HHAT: variants seen among roughly 807,000 people sequenced by gnomAD.
HHAT encodes the protein hedgehog acyltransferase.
In HHAT, 47 loss-of-function variants were observed where a neutral mutation model predicts 70.8. The observed-to-expected ratio is 0.66, with a 90% CI of 0.53 to 0.85. The LOEUF is 0.85. Among genes scored for constraint, HHAT ranks in the 40% least tolerant of loss-of-function variants. The pLI, the probability that HHAT is intolerant of heterozygous loss-of-function variation, is 0.00. For missense variants in HHAT, 609 were observed against 604.8 expected (o/e 1.01, Z -0.07); for synonymous variants, 228 against 247.6 (o/e 0.92, Z 0.74).
chr1:210,454,414 C>T (rs1159032663), intron 7 of HHAT, among the ~76,000 whole-genome samples: 1 of 152,024 alleles, frequency 6.6e-6, no homozygotes, highest in Admixed American at 6.6e-5. Context: ...ATTAGCCGGG[C>T]GTGGTGGCGG....
chr1:210,652,663 T>C (rs948613921), intron 11 of HHAT, among the ~76,000 whole-genome samples: 2 of 152,096 alleles, frequency 1.3e-5, no homozygotes, highest in African/African-American at 4.8e-5. Flanking sequence ...ACTGCCTCAC[T>C]CGTGTAGATC....
chr1:210,359,026 T>C (rs966677498), intron 2 of HHAT, among the ~76,000 whole-genome samples: 2 of 152,126 alleles, frequency 1.3e-5, no homozygotes, highest in Non-Finnish European at 2.9e-5. Context: ...TCAGCAGAAA[T>C]TGCTTCATTT....
chr1:210,608,484 A>G (rs1416215575), intron 10 of HHAT, among the ~76,000 whole-genome samples: 1 of 152,144 alleles, frequency 6.6e-6, no homozygotes, highest in Non-Finnish European at 1.5e-5. Flanking sequence ...GATTTCTGCT[A>G]GGGAAAGCCC....
intron 9 of HHAT, among the ~76,000 whole-genome samples, chr1:210,520,746 T>A (rs1195680521): frequency 6.6e-6 from 1 of 152,238 alleles, no homozygotes; most frequent in African/African-American, 2.4e-5. Context: ...CACCTGAATT[T>A]TGTTTTCTAT....
chr1:210,584,426 C>T (rs4072392), intron 9 of HHAT, among the ~76,000 whole-genome samples: 106,621 of 151,984 alleles, frequency 0.7, 37,876 homozygotes, highest in East Asian at 0.95. Context: ...ACACTGGTTA[C>T]GTAAAGTTAA....
At chr1:210,577,567 T>G (rs942354675) in intron 9 of HHAT, among the ~76,000 whole-genome samples, 1 of 151,940 alleles carries the variant, frequency 6.6e-6, no homozygotes, top group Non-Finnish European at 1.5e-5. Context: ...AACGTACTGT[T>G]GAATTTGGTT....
At chr1:210,420,113 A>G (rs2148281085) in intron 7 of HHAT, among the ~76,000 whole-genome samples, 1 of 152,268 alleles carries the variant, frequency 6.6e-6, no homozygotes, top group South Asian at 2.1e-4. Flanking sequence ...ATCAGCCTCT[A>G]TTACCCTCTC....
At chr1:210,565,278 T>C (rs993100880) in intron 9 of HHAT, among the ~76,000 whole-genome samples, 6 of 152,142 alleles carry the variant, frequency 3.9e-5, no homozygotes, top group African/African-American at 1.2e-4. Context: ...CAGAAAAAAG[T>C]GGTAGATGCA....
intron 3 of HHAT, among the ~76,000 whole-genome samples, chr1:210,364,708 G>A (rs2148034365): frequency 6.6e-6 from 1 of 152,304 alleles, no homozygotes; most frequent in Middle Eastern, 3.4e-3. Flanking sequence ...ACTTCACTGG[G>A]TCAAGCCCAG....
chr1:210,449,812 A>C (rs1052660909), intron 7 of HHAT, among the ~76,000 whole-genome samples: 1 of 152,150 alleles, frequency 6.6e-6, no homozygotes, highest in Non-Finnish European at 1.5e-5. Context: ...ACATCAGTTC[A>C]TCAAAGTTTC....
intron 11 of HHAT, among the ~76,000 whole-genome samples, chr1:210,673,375 G>T (rs182082130): frequency 2.4e-4 from 37 of 152,060 alleles, no homozygotes; most frequent in African/African-American, 8.4e-4. Flanking sequence ...ACACACAACG[G>T]TGATGATGAC....
chr1:210,604,193 C>T (rs983574637), intron 10 of HHAT, among the ~76,000 whole-genome samples: 16 of 151,868 alleles, frequency 1.1e-4, no homozygotes, highest in Non-Finnish European at 5.9e-5. Context: ...GAAGCTTCTG[C>T]TTCAGCCTCT....
chr1:210,524,133 A>G (rs11577097), intron 9 of HHAT, among the ~76,000 whole-genome samples: 5,055 of 152,372 alleles, frequency 0.033, 118 homozygotes, highest in Non-Finnish European at 0.052. Flanking sequence ...AGTTTCAGGT[A>G]GGCAAGATGC....
chr1:210,445,904 TA>T (rs2093625477), intron 7 of HHAT, among the ~76,000 whole-genome samples: 1 of 152,104 alleles, frequency 6.6e-6, no homozygotes, highest in African/African-American at 2.4e-5. Flanking sequence ...CTGTAAGTTT[TA>T]GGGTACATGT....
chr1:210,600,005 C>G (rs1023546468), intron 10 of HHAT, among the ~76,000 whole-genome samples: 1 of 152,178 alleles, frequency 6.6e-6, no homozygotes, highest in African/African-American at 2.4e-5. Context: ...AGGATGCTCT[C>G]TTTCCTTCCC....
chr1:210,451,287 C>G (rs944712670), intron 7 of HHAT, among the ~76,000 whole-genome samples: 2 of 152,022 alleles, frequency 1.3e-5, no homozygotes, highest in Non-Finnish European at 2.9e-5. Context: ...TGATAGCAGT[C>G]TTTAGCTAAT....
At position 210,387,558 on chromosome 1, in the gene HHAT, A is replaced by G; in HGVS notation, c.250A>G (p.Met84Val). The G allele has an allele frequency of 6.2e-7, 1 of 1,613,694 alleles. No individual in the cohort carries two copies. The change falls in exon 4 of 12, where the codon ATG becomes GTG. Residue 84 changes from methionine (M) to valine (V), a missense_variant. Physicochemically the swap from Met to Val is conservative, Grantham distance 21. Transcript: ENST00000261458. ...LLLGHMVVSQ[M>V]ATLLARKHRP... Reference sequence around the variant, plus strand: ...CCTTGGCCACATGGTAGTGTCTCAAATGGCCACACTGCTGGCAAGAAAGGT... The same window carrying G: ...CCTTGGCCACATGGTAGTGTCTCAAGTGGCCACACTGCTGGCAAGAAAGGT...
At chr1:210,530,809 G>A (rs1414133756) in intron 9 of HHAT, among the ~76,000 whole-genome samples, 1 of 151,928 alleles carries the variant, frequency 6.6e-6, no homozygotes, top group Non-Finnish European at 1.5e-5. Context: ...TGGGTATCTG[G>A]TACAATAATC....
chr1:210,651,030 G>C (rs188025599), intron 11 of HHAT, among the ~76,000 whole-genome samples: 4 of 152,288 alleles, frequency 2.6e-5, no homozygotes, highest in South Asian at 2.1e-4. Flanking sequence ...TCATCCCTAG[G>C]GGGAGAGAGG....
Sources: allele counts gnomAD v4.1 joint callset (sites outside exome capture counted in the v4.1 genomes callset), GRCh38; gene constraint gnomAD v4.1.1; transcripts MANE v1.5; gene names NCBI Gene and HGNC (gene_info 2026-07-23, HGNC 2026-07-21).